The following PPM1B variants were observed in gnomAD, a reference collection of about 807,000 sequenced individuals.
PPM1B encodes protein phosphatase 1B.
Under a neutral mutation model 43.0 loss-of-function variants are expected in PPM1B, and 22 were observed. The observed-to-expected ratio is 0.51, with a 90% confidence interval of 0.37 to 0.73. The LOEUF is 0.73. Ranked by LOEUF, PPM1B falls within the 30% of genes least tolerant of loss-of-function variation. The pLI is 0.00. For synonymous variants in PPM1B, 217 were observed against 197.9 expected (o/e 1.10, Z -0.81); for missense variants, 632 against 584.2 (o/e 1.08, Z -0.84).
At chr2:44,208,046 G>T (rs758272194) in intron 2 of PPM1B, among the ~76,000 whole-genome samples, 48 of 151,724 alleles carry the variant, frequency 3.2e-4, no homozygotes, top group Non-Finnish European at 5.2e-4. Flanking sequence ...GCGCCACCAC[G>T]CCTGGATAAT....
chr2:44,199,633 A>G (rs1310895705), intron 1 of PPM1B, among the ~76,000 whole-genome samples: 1 of 152,238 alleles, frequency 6.6e-6, no homozygotes, highest in Non-Finnish European at 1.5e-5. Context: ...TCATTGTATC[A>G]CAGAGAATTA....
At chr2:44,240,493 C>T (rs1670721490) in intron 5 of PPM1B, among the ~76,000 whole-genome samples, 1 of 144,906 alleles carries the variant, frequency 6.9e-6, no homozygotes, top group Non-Finnish European at 1.5e-5. Context: ...AGAGTAGATT[C>T]TGTCTTATTT....
At chr2:44,211,417 T>A (rs1669460776) in intron 3 of PPM1B, among the ~76,000 whole-genome samples, 1 of 152,152 alleles carries the variant, frequency 6.6e-6, no homozygotes, top group African/African-American at 2.4e-5. Context: ...AGATTTAGGT[T>A]ATACATTGGC....
At chr2:44,217,846 G>A (rs988456479) in intron 3 of PPM1B, 121 bp from the exon 4 acceptor site, 2 of 504,776 alleles carry the variant, frequency 4.0e-6, no homozygotes, top group African/African-American at 2.0e-5. Flanking sequence ...TTTGTGTGTT[G>A]ATGGTAATTT....
chr2:44,176,596 T>C lies in PPM1B; in HGVS notation c.-15+7322T>C, dbSNP rs1667593069. 2.0e-5 allele frequency among the ~76,000 whole-genome samples: 3 copies of C among 152,232 alleles called. No individual in the cohort carries two copies. The South Asian group carries it at 6.2e-4, about 32-fold the overall frequency. ...GATGTGTGAAGCAGGTGCTTAATTT[T>C]TGCTTTCTGTTCTTTCTATTGCTTT... On this transcript the variant is annotated intron_variant, in intron 1 of 5. Transcript: ENST00000282412.
At chr2:44,182,016 C>T (rs1438483995) in intron 1 of PPM1B, among the ~76,000 whole-genome samples, 1 of 152,132 alleles carries the variant, frequency 6.6e-6, no homozygotes, top group African/African-American at 2.4e-5. Context: ...TTAAGAGTTT[C>T]CAGAATCGAG....
chr2:44,233,395 T>A (rs1274424297), downstream of PPM1B: 1 of 982,876 alleles, frequency 1.0e-6, no homozygotes, highest in Admixed American at 6.1e-5. Flanking sequence ...ACTTGAAGAT[T>A]TATTAGTTTA....
intron 1 of PPM1B, among the ~76,000 whole-genome samples, chr2:44,200,452 C>G: frequency 6.6e-6 from 1 of 152,168 alleles, no homozygotes; most frequent in East Asian, 1.9e-4. Context: ...TGTCAGTCAA[C>G]ACTGGGTAGC....
chr2:44,211,465 G>T (rs1023149695), intron 3 of PPM1B, among the ~76,000 whole-genome samples: 1 of 152,134 alleles, frequency 6.6e-6, no homozygotes, highest in Non-Finnish European at 1.5e-5. Context: ...TCTTCTCAGT[G>T]CATCACAATC....
At chr2:44,227,314 A>G (rs932490354) in intron 5 of PPM1B, among the ~76,000 whole-genome samples, 3 of 152,056 alleles carry the variant, frequency 2.0e-5, no homozygotes, top group African/African-American at 7.2e-5. Context: ...AAGTCCACAT[A>G]ATAAATTTTG....
At chr2:44,221,223 CT>C (rs1432554413) in intron 5 of PPM1B, among the ~76,000 whole-genome samples, 4 of 152,154 alleles carry the variant, frequency 2.6e-5, no homozygotes, top group African/African-American at 9.7e-5. Context: ...ATTAAAGGAA[CT>C]TTCCTTGTTT....
intron 3 of PPM1B, among the ~76,000 whole-genome samples, chr2:44,211,968 C>T (rs988125416): frequency 7.2e-5 from 11 of 152,156 alleles, no homozygotes; most frequent in South Asian, 2.1e-4. Context: ...AGGCTGATCT[C>T]GAACTTTCTG....
At chr2:44,237,440 C>T (rs764778344), downstream of PPM1B, among the ~76,000 whole-genome samples, 4 of 152,148 alleles carry the variant, frequency 2.6e-5, no homozygotes, top group Non-Finnish European at 5.9e-5. Flanking sequence ...TTTTATTTTA[C>T]CTGCAAACAC....
In PPM1B at chr2:44,230,828, T is replaced by C; in HGVS notation, c.*110T>C. Reference sequence around the variant, plus strand: ...TATTTGAATCTTGGAAAACTAGTTTTATTATATTCAGATAGCCTTGTTTTT... The same window carrying C: ...TATTTGAATCTTGGAAAACTAGTTTCATTATATTCAGATAGCCTTGTTTTT... On this transcript the variant is annotated 3_prime_UTR_variant, in exon 6 of 6. Transcript: ENST00000282412. 6.8e-7 allele frequency: 1 copy of C among 1,465,348 alleles called. No homozygotes were observed. The highest frequency in any genetic ancestry group is 9.0e-7 in the Non-Finnish European group (1 of 1,106,152). 90.8% of individuals were successfully genotyped at this position (1,465,348 alleles called of 1,614,324 possible). A position where few individuals can be genotyped will look rare whatever the true frequency, so the allele number is the denominator to read the frequency against.
intron 5 of PPM1B, among the ~76,000 whole-genome samples, chr2:44,243,716 A>G (rs1232523227): frequency 2.6e-5 from 4 of 152,138 alleles, no homozygotes; most frequent in African/African-American, 9.7e-5. Context: ...GTTGTGTGTC[A>G]GTACCATGTC....
At chr2:44,199,262 A>G (rs1185131120) in intron 1 of PPM1B, among the ~76,000 whole-genome samples, 8 of 149,906 alleles carry the variant, frequency 5.3e-5, no homozygotes, top group African/African-American at 2.0e-4. Flanking sequence ...CATCTCAAAA[A>G]AAAAAAAGAG....
At chr2:44,232,601 C>T, downstream of PPM1B, 2 of 1,278,146 alleles carry the variant, frequency 1.6e-6, no homozygotes, top group Non-Finnish European at 2.0e-6. Flanking sequence ...GAACTTTCGG[C>T]CCTAGAAACC....
At chr2:44,233,514 A>C, downstream of PPM1B, 1 of 985,220 alleles carries the variant, frequency 1.0e-6, no homozygotes, top group Non-Finnish European at 1.2e-6. Context: ...TTTCTGGGTT[A>C]GGAGAAGTAA....
chr2:44,232,866 T>A (rs1670507407), downstream of PPM1B: 3 of 973,094 alleles, frequency 3.1e-6, no homozygotes, highest in Admixed American at 6.2e-5. Flanking sequence ...TGTTATTTAA[T>A]TTTTTTCCAA....
Sources: allele counts gnomAD v4.1 joint callset (sites outside exome capture counted in the v4.1 genomes callset), GRCh38; gene constraint gnomAD v4.1.1; transcripts MANE v1.5; gene names NCBI Gene and HGNC (gene_info 2026-07-23, HGNC 2026-07-21).